Variants in NNMT observed in about 807,000 individuals in gnomAD.
NNMT encodes nicotinamide N-methyltransferase.
Under a neutral mutation model 11.7 loss-of-function variants are expected in NNMT, and 10 were observed. The observed-to-expected ratio is 0.85, with a 90% CI of 0.53 to 1.45. The LOEUF (loss-of-function observed/expected upper bound fraction) is 1.45. Ranked by LOEUF, NNMT falls within the 40% of genes most tolerant of loss-of-function variation. The pLI is 0.00. For synonymous variants in NNMT, 143 were observed against 133.8 expected, an observed-to-expected ratio of 1.07 and a Z score of -0.48; for missense variants, 381 against 319.4, an observed-to-expected ratio of 1.19 and a Z score of -1.47.
intron 2 of NNMT, among the ~76,000 whole-genome samples, chr11:114,284,748 C>T (rs1463872097): frequency 6.8e-6 from 1 of 147,236 alleles, no homozygotes; most frequent in Non-Finnish European, 1.5e-5. Context: ...AGGCGTGAGC[C>T]ACTGCACCCG....
At chr11:114,271,616 G>T (rs576462141) in intron 2 of NNMT, among the ~76,000 whole-genome samples, 1 of 152,062 alleles carries the variant, frequency 6.6e-6, no homozygotes, top group African/African-American at 2.4e-5. Context: ...GCAACTCCTC[G>T]TTTCTCATCA....
intron 1 of NNMT, 139 bp downstream of exon 1, chr11:114,296,849 G>A: frequency 1.2e-6 from 1 of 809,550 alleles, no homozygotes; most frequent in African/African-American, 1.7e-5. Context: ...GGATAAAAAC[G>A]AATATTGGTA....
chr11:114,276,454 T>G (rs1591828541), intron 2 of NNMT, among the ~76,000 whole-genome samples: 1 of 152,190 alleles, frequency 6.6e-6, no homozygotes, highest in East Asian at 1.9e-4. Context: ...GATGCCATCC[T>G]GCTACCTCAT....
chr11:114,299,383 T>C (rs977577472), intron 2 of NNMT, among the ~76,000 whole-genome samples: 1 of 152,250 alleles, frequency 6.6e-6, no homozygotes, highest in Non-Finnish European at 1.5e-5. Context: ...ATTTTCCTCC[T>C]GTATTCTGAA....
intron 2 of NNMT, among the ~76,000 whole-genome samples, chr11:114,288,327 G>A (rs1418392027): frequency 3.9e-5 from 6 of 152,104 alleles, no homozygotes; most frequent in African/African-American, 1.4e-4. Flanking sequence ...CGGGAAGAGT[G>A]ATGTTTGTTG....
chr11:114,263,367 T>C (rs536945561), intron 2 of NNMT, among the ~76,000 whole-genome samples: 2 of 152,342 alleles, frequency 1.3e-5, no homozygotes, highest in East Asian at 3.9e-4. Context: ...GAAATGATTA[T>C]AACCTTTACC....
upstream of NNMT, among the ~76,000 whole-genome samples, chr11:114,292,675 A>G (rs1413026708): frequency 6.6e-6 from 1 of 152,196 alleles, no homozygotes; most frequent in African/African-American, 2.4e-5. Context: ...ATTTACTTAT[A>G]ACAAACATTT....
chr11:114,289,582 T>C lies in NNMT; in HGVS notation c.-129-6846T>C, dbSNP rs944460744. Among the ~76,000 whole-genome samples the C allele has an allele frequency of 5.3e-5, 8 of 152,352 alleles. No homozygotes were observed. In the South Asian group the frequency reaches 8.3e-4, roughly 16 times the overall value. On this transcript the variant is annotated intron_variant, in intron 2 of 4. Coordinates refer to the NNMT transcript ENST00000535401. ...TTACTACTCAGTTAGAAATATTTTA[T>C]AATTTCCATTATGATTTCTTCTTTG... is the stretch of plus-strand genomic sequence containing the variant.
In NNMT at chr11:114,259,336, C is replaced by G. The variant is rs550796734; in HGVS notation, c.-217+1458C>G. On this transcript the variant is annotated intron_variant, in intron 1 of 4. Transcript: ENST00000535401. ...TCCCCAGGACACGTGTACACACACGCAGAGGCCCAGTGGGGGGGGGGGAGC... is the reference window on the plus strand; with the variant it reads ...TCCCCAGGACACGTGTACACACACGGAGAGGCCCAGTGGGGGGGGGGGAGC... Among the ~76,000 whole-genome samples, 225 of 134,930 alleles carry G rather than the reference C, an allele frequency of 1.7e-3. 2 individuals are homozygous for G. Among genetic ancestry groups the G allele is most frequent in the African/African-American group, 6.5e-3 (213 of 32,744 alleles). 88.5% of individuals were successfully genotyped at this position (134,930 alleles called of 152,430 possible).
At position 114,298,037 on chromosome 11, in the gene NNMT, A is replaced by T. The variant is rs1395263820; in HGVS notation, c.241A>T (p.Ile81Phe). 1.2e-6 allele frequency: 2 copies of T among 1,614,090 alleles called. No homozygotes were observed. The highest frequency in any genetic ancestry group is 1.7e-5 in the Admixed American group (1 of 60,014). The change falls in exon 2 of 3, where the codon ATC becomes TTC. Residue 81 changes from isoleucine (I) to phenylalanine (F), a missense_variant. Transcript: ENST00000299964. ...CTCTGCTTGTGAATCCTTTAAGGAG[A>T]TCGTCGTCACTGACTACTCAGACCA... is the stretch of plus-strand genomic sequence containing the variant. ...LLSACESFKE[I>F]VVTDYSDQNL...
chr11:114,299,363 T>A (rs759460365), intron 2 of NNMT, among the ~76,000 whole-genome samples: 7 of 152,236 alleles, frequency 4.6e-5, no homozygotes, highest in Non-Finnish European at 8.8e-5. Context: ...TTTATTAAGA[T>A]GGTCTTATGA....
At chr11:114,300,558 A>G (rs369557745) in intron 2 of NNMT, among the ~76,000 whole-genome samples, 5 of 151,542 alleles carry the variant, frequency 3.3e-5, no homozygotes, top group African/African-American at 9.7e-5. Context: ...GTATCATTCA[A>G]ATTTTCTACA....
At position 114,310,034 on chromosome 11, in the gene NNMT, G is replaced by A. The variant is rs544551864; in HGVS notation, c.363-2011G>A. Among the ~76,000 whole-genome samples the A allele has an allele frequency of 2.8e-4, 42 of 152,136 alleles. No individual in the cohort carries two copies. In the South Asian group the frequency reaches 8.1e-3, roughly 29 times the overall value. ...TTTATTTACCTATTCAGAAGTTGAC[G>A]GTTGCATTGTTTGCACCTTTTAGCT... is the stretch of plus-strand genomic sequence containing the variant. On this transcript the variant is annotated intron_variant, in intron 2 of 2. Transcript: ENST00000299964.
At chr11:114,285,244 A>G (rs145930654) in intron 2 of NNMT, among the ~76,000 whole-genome samples, 2 of 152,294 alleles carry the variant, frequency 1.3e-5, no homozygotes, top group African/African-American at 4.8e-5. Context: ...TTAGATAACT[A>G]GAGTTTCTGG....
chr11:114,298,341 C>A (rs74797167), intron 2 of NNMT, 183 bp downstream of exon 2: 6 of 587,648 alleles, frequency 1.0e-5, no homozygotes, highest in South Asian at 8.0e-5. Context: ...TGTATGTGCA[C>A]GTGCATGTGT....
upstream of NNMT, among the ~76,000 whole-genome samples, chr11:114,293,866 C>T (rs1945351897): frequency 6.6e-6 from 1 of 151,996 alleles, no homozygotes; most frequent in Admixed American, 6.5e-5. Flanking sequence ...TCACAATAGC[C>T]AAGATTTGGA....
chr11:114,277,404 T>C (rs747423658), intron 2 of NNMT, among the ~76,000 whole-genome samples: 24 of 152,106 alleles, frequency 1.6e-4, no homozygotes, highest in Non-Finnish European at 2.9e-4. Context: ...ATGAAATGAG[T>C]GGTTCTAAAG....
intron 2 of NNMT, among the ~76,000 whole-genome samples, chr11:114,289,093 T>C (rs1461172292): frequency 2.0e-5 from 3 of 152,238 alleles, no homozygotes; most frequent in Non-Finnish European, 2.9e-5. Context: ...AATTCTTTAA[T>C]GGTTATAAGG....
chr11:114,305,629 C>G (rs1382744529), intron 2 of NNMT, among the ~76,000 whole-genome samples: 2 of 151,488 alleles, frequency 1.3e-5, no homozygotes, highest in African/African-American at 4.9e-5. Context: ...ATAGTTTGCT[C>G]AGAATGATGG....
Sources: allele counts gnomAD v4.1 joint callset (sites outside exome capture counted in the v4.1 genomes callset), GRCh38; gene constraint gnomAD v4.1.1; transcripts MANE v1.5; gene names NCBI Gene and HGNC (gene_info 2026-07-23, HGNC 2026-07-21).